CELF2: variants seen among roughly 807,000 people sequenced by gnomAD.
CELF2 encodes CUGBP Elav-like family member 2.
In CELF2, 8 loss-of-function variants were observed where a neutral mutation model predicts 62.6. The observed-to-expected ratio is 0.13, with a 90% CI of 0.07 to 0.23. CELF2 has a LOEUF of 0.23. Ranked by LOEUF, CELF2 falls within the 10% of genes least tolerant of loss-of-function variation. CELF2 has a pLI of 1.00. For synonymous variants in CELF2, 258 were observed against 250.0 expected, an observed-to-expected ratio of 1.03 and a Z score of -0.30; for missense variants, 333 against 671.0, an observed-to-expected ratio of 0.50 and a Z score of 5.56.
the CELF2 span, among the ~76,000 whole-genome samples, chr10:10,708,547 GC>G: frequency 1.4e-4 from 22 of 152,228 alleles, no homozygotes; most frequent in African/African-American, 5.1e-4. Context: ...TGAATGGAAA[GC>G]AAGATAATAT....
At chr10:10,939,946 T>G (rs1359771823) in intron 2 of CELF2, among the ~76,000 whole-genome samples, 1 of 151,986 alleles carries the variant, frequency 6.6e-6, no homozygotes, top group Non-Finnish European at 1.5e-5. Flanking sequence ...AGAGCGAGGC[T>G]CCATCTCAAA....
At chr10:10,810,413 C>A (rs1389063980) in intron 1 of CELF2, among the ~76,000 whole-genome samples, 3 of 152,080 alleles carry the variant, frequency 2.0e-5, no homozygotes, top group Non-Finnish European at 4.4e-5. Flanking sequence ...GGGAGGTGAA[C>A]TAAATATCTG....
At chr10:10,977,686 G>C (rs994847530) in intron 2 of CELF2, among the ~76,000 whole-genome samples, 10 of 152,212 alleles carry the variant, frequency 6.6e-5, no homozygotes, top group Non-Finnish European at 1.3e-4. Flanking sequence ...GGAAGAATTT[G>C]GTACGTTTTG....
rs756439547 is a variant in CELF2, at chr10:11,236,838, T to C, written c.355-12315T>C. ...CATGAGAAGGGTCATTGTGCCGTTG[T>C]GTGGATAAACACACAGCAGAAGTTC... On this transcript the variant is annotated intron_variant, in intron 3 of 12. Coordinates refer to ENST00000633077, the MANE Select transcript of CELF2 (RefSeq NM_001326342.2). 5.1e-4 allele frequency among the ~76,000 whole-genome samples: 77 copies of C among 152,358 alleles called. 1 individual carries two copies. The highest frequency in any genetic ancestry group is 8.3e-4 in the South Asian group (4 of 4,826).
rs943087768 is a variant in CELF2 at position 11,267,067 on chromosome 10, A to T, written c.618+390A>T. 1.3e-5 allele frequency among the ~76,000 whole-genome samples: 2 copies of T among 152,146 alleles called. No individual in the cohort carries two copies. The highest frequency in any genetic ancestry group is 4.8e-5 in the African/African-American group (2 of 41,420). On this transcript the variant is annotated intron_variant, in intron 6 of 12. Transcript: ENST00000633077. The surrounding 1 kb of genome is among the most constrained non-coding windows in gnomAD (Gnocchi z 4.4). ...CAGTAACAGCCTCCCACCCCAAATT[A>T]CTGCTTGCCCTGTGCTAAGTCCCAG...
intron 7 of CELF2, among the ~76,000 whole-genome samples, chr10:11,272,320 T>C (rs2084120285): frequency 6.6e-6 from 1 of 152,236 alleles, no homozygotes; most frequent in African/African-American, 2.4e-5. Context: ...AAAAATTGCT[T>C]TAAAAGAGAA....
At chr10:11,058,752 C>T (rs539932010) in intron 1 of CELF2, among the ~76,000 whole-genome samples, 1 of 151,846 alleles carries the variant, frequency 6.6e-6, no homozygotes, top group Non-Finnish European at 1.5e-5. Flanking sequence ...ACAGACATGA[C>T]CCACCGCGCC....
chr10:10,777,977 A>G, the CELF2 span, among the ~76,000 whole-genome samples: 51 of 152,266 alleles, frequency 3.3e-4, no homozygotes, highest in African/African-American at 1.2e-3. Flanking sequence ...GTCTCATTCT[A>G]GAGTTACTTC....
the CELF2 span, among the ~76,000 whole-genome samples, chr10:10,559,002 T>C: frequency 1.3e-5 from 2 of 152,186 alleles, no homozygotes; most frequent in Non-Finnish European, 2.9e-5. Context: ...TATATTAATA[T>C]TGAAGTGATC....
chr10:11,037,973 G>GA (rs10706637), intron 1 of CELF2, among the ~76,000 whole-genome samples: 26 of 151,102 alleles, frequency 1.7e-4, no homozygotes, highest in Admixed American at 6.6e-4. Context: ...GAAGTTTATG[G>GA]AAAAAAAAAA....
chr10:11,014,745 G>C (rs1303447445), upstream of CELF2, among the ~76,000 whole-genome samples: 3 of 152,226 alleles, frequency 2.0e-5, no homozygotes, highest in Non-Finnish European at 1.5e-5. Flanking sequence ...CCTTGCCTGG[G>C]AAGGCCTCAT....
chr10:10,556,630 C>T, the CELF2 span, among the ~76,000 whole-genome samples: 1 of 152,198 alleles, frequency 6.6e-6, no homozygotes, highest in East Asian at 1.9e-4. Context: ...AATGGTTGAA[C>T]TAGTTTACAG....
rs535163828 is a variant in CELF2 at position 11,074,673 on chromosome 10, G to A, written c.74+56510G>A. ...CAGCACTTGTGTGAGCAGAGACAGT[G>A]TAGGTATGGTGCAAAAAATACAACC... On this transcript the variant is annotated intron_variant, in intron 1 of 12. Coordinates refer to ENST00000633077, the MANE Select transcript of CELF2 (RefSeq NM_001326342.2). Among the ~76,000 whole-genome samples, 4 of 152,336 alleles carry A rather than the reference G, an allele frequency of 2.6e-5. No homozygotes were observed. In the South Asian group the frequency reaches 6.2e-4, roughly 24 times the overall value.
At chr10:10,804,654 G>A (rs2031143) in intron 1 of CELF2, among the ~76,000 whole-genome samples, 108,472 of 152,106 alleles carry the variant, frequency 0.71, 38,927 homozygotes, top group African/African-American at 0.79. Context: ...AAGCTGTAAC[G>A]AACTACACTT....
At chr10:10,707,606 C>A in the CELF2 span, among the ~76,000 whole-genome samples, 1 of 152,116 alleles carries the variant, frequency 6.6e-6, no homozygotes, top group Non-Finnish European at 1.5e-5. Context: ...ATAAAGGAAC[C>A]TGCCACAAGG....
At chr10:11,229,336 G>A (rs2067758065) in intron 3 of CELF2, among the ~76,000 whole-genome samples, 1 of 151,120 alleles carries the variant, frequency 6.6e-6, no homozygotes, top group South Asian at 2.1e-4. Context: ...TCCATTCTCT[G>A]GGAAAGACCC....
At chr10:11,019,070 T>TA (rs1350587269) in intron 1 of CELF2, among the ~76,000 whole-genome samples, 2 of 152,156 alleles carry the variant, frequency 1.3e-5, no homozygotes, top group African/African-American at 4.8e-5. Context: ...TGGAAAGAAG[T>TA]AGAGAGCTGG....
intron 1 of CELF2, among the ~76,000 whole-genome samples, chr10:10,820,443 A>G (rs1484532599): frequency 6.6e-6 from 1 of 152,130 alleles, no homozygotes; most frequent in Non-Finnish European, 1.5e-5. Flanking sequence ...GACTTATTCC[A>G]TCTGTTTTTA....
intron 2 of CELF2, among the ~76,000 whole-genome samples, chr10:10,979,133 A>T (rs1285209394): frequency 6.6e-6 from 1 of 152,194 alleles, no homozygotes; most frequent in Non-Finnish European, 1.5e-5. Flanking sequence ...TGATTGAAAC[A>T]GGAAGCCCAA....
Sources: gnomAD v4.1 joint callset for allele counts (sites outside exome capture counted in the v4.1 genomes callset) on GRCh38, gnomAD v4.1.1 for gene constraint, Gnocchi (gnomAD v3.1) non-coding constraint, MANE v1.5 for transcripts, NCBI Gene and HGNC (gene_info 2026-07-23, HGNC 2026-07-21) for gene names.